PDE3B: variants seen among roughly 807,000 people sequenced by gnomAD.
PDE3B encodes cGMP-inhibited 3',5'-cyclic phosphodiesterase 3B.
Under a neutral mutation model 116.8 loss-of-function variants are expected in PDE3B, and 66 were observed. That is an observed-to-expected ratio of 0.56 (90% CI 0.46 to 0.69). The LOEUF (loss-of-function observed/expected upper bound fraction) is 0.69. Ranked by LOEUF, PDE3B falls within the 30% of genes least tolerant of loss-of-function variation. The pLI, the probability that PDE3B is intolerant of heterozygous loss-of-function variation, is 0.00. For missense variants in PDE3B, 1,384 were observed against 1,368.1 expected (o/e 1.01, Z -0.18); for synonymous variants, 595 against 533.6 (o/e 1.12, Z -1.59).
At chr11:14,838,495 A>T (rs967925267) in intron 11 of PDE3B, among the ~76,000 whole-genome samples, 7 of 152,196 alleles carry the variant, frequency 4.6e-5, no homozygotes, top group Non-Finnish European at 8.8e-5. Flanking sequence ...TGTATTCCCC[A>T]AATCCTGCTG....
chr11:14,684,388 C>T (rs917263741), intron 1 of PDE3B, among the ~76,000 whole-genome samples: 1 of 152,016 alleles, frequency 6.6e-6, no homozygotes, highest in African/African-American at 2.4e-5. Flanking sequence ...AGAGGGGGTA[C>T]AAGAACAGGG....
chr11:14,663,184 C>T (rs1287065609), intron 1 of PDE3B, among the ~76,000 whole-genome samples: 4 of 152,090 alleles, frequency 2.6e-5, no homozygotes, highest in Non-Finnish European at 5.9e-5. Flanking sequence ...ATTTTCAACC[C>T]AGAATTTCAT....
the PDE3B span, among the ~76,000 whole-genome samples, chr11:14,893,465 A>G: frequency 1.1e-3 from 165 of 152,156 alleles, no homozygotes; most frequent in African/African-American, 3.5e-3. Flanking sequence ...ACACAAATTT[A>G]TTTTCTTACA....
At position 14,644,808 on chromosome 11, in the gene PDE3B, A is replaced by G. The variant is rs1853336149; in HGVS notation, c.733A>G (p.Arg245Gly). The G allele has an allele frequency of 3.1e-6, 5 of 1,611,110 alleles. No individual in the cohort carries two copies. In the South Asian group the frequency reaches 5.5e-5, roughly 18 times the overall value. The change falls in exon 1 of 16, where the codon AGG becomes GGG. Residue 245 changes from arginine (R) to glycine (G), a missense_variant. By Grantham distance (125) the Arg-to-Gly change is moderately radical. Coordinates refer to ENST00000282096, the MANE Select transcript of PDE3B (RefSeq NM_000922.4). ...CCTCGGGTCGCTGCCCTCCGCCCTC[A>G]GGCCGCTGCTCTCCGGCCTGGTGGG... Reference protein sequence around the residue: ...TSLGSLPSALRPLLSGLVGGA... With the variant: ...TSLGSLPSALGPLLSGLVGGA...
At chr11:14,789,548 A>G (rs1353738183) in intron 4 of PDE3B, among the ~76,000 whole-genome samples, 1 of 152,028 alleles carries the variant, frequency 6.6e-6, no homozygotes, top group Non-Finnish European at 1.5e-5. Context: ...AATCGATAGA[A>G]GTGGCCATTA....
the PDE3B span, chr11:14,892,156 G>C: frequency 6.2e-6 from 10 of 1,610,586 alleles, no homozygotes; most frequent in Admixed American, 1.7e-5. Context: ...CAGGAAGAGC[G>C]CGCCGCCGAG....
At chr11:14,757,432 G>T (rs1246498443) in intron 1 of PDE3B, among the ~76,000 whole-genome samples, 1 of 151,178 alleles carries the variant, frequency 6.6e-6, no homozygotes, top group Non-Finnish European at 1.5e-5. Flanking sequence ...GTGTAAAAGT[G>T]TTCCTATTTC....
intron 1 of PDE3B, among the ~76,000 whole-genome samples, chr11:14,659,881 C>A (rs1188419778): frequency 6.6e-6 from 1 of 152,166 alleles, no homozygotes; most frequent in Non-Finnish European, 1.5e-5. Context: ...TAAGGATTGT[C>A]ATTTTAAAAA....
chr11:14,756,078 T>C (rs1172675053), intron 1 of PDE3B, among the ~76,000 whole-genome samples: 3 of 152,188 alleles, frequency 2.0e-5, no homozygotes, highest in African/African-American at 7.2e-5. Flanking sequence ...GAATCCAAGG[T>C]TTAATGGAAG....
intron 1 of PDE3B, among the ~76,000 whole-genome samples, chr11:14,769,116 T>G (rs1857569053): frequency 6.6e-6 from 1 of 151,396 alleles, no homozygotes; most frequent in African/African-American, 2.4e-5. Context: ...GATTGGGCTT[T>G]GCTTAAGAAT....
intron 4 of PDE3B, among the ~76,000 whole-genome samples, chr11:14,798,525 C>T (rs1299618644): frequency 6.6e-6 from 1 of 152,058 alleles, no homozygotes; most frequent in African/African-American, 2.4e-5. Context: ...CCTCTTTGTA[C>T]CTGTCGTAGA....
intron 5 of PDE3B, among the ~76,000 whole-genome samples, chr11:14,810,220 GGTTA>G (rs1414837936): frequency 6.6e-6 from 1 of 151,320 alleles, no homozygotes; most frequent in Non-Finnish European, 1.5e-5. Flanking sequence ...CCAATGTACA[GGTTA>G]GTTACATATG....
chr11:14,777,336 G>A (rs1857818710), intron 2 of PDE3B, among the ~76,000 whole-genome samples: 1 of 152,184 alleles, frequency 6.6e-6, no homozygotes, highest in Non-Finnish European at 1.5e-5. Flanking sequence ...AGTATCTGAA[G>A]AAGTAATGGC....
intron 12 of PDE3B, among the ~76,000 whole-genome samples, chr11:14,857,639 CT>C (rs1412596841): frequency 9.2e-4 from 140 of 152,242 alleles, no homozygotes; most frequent in African/African-American, 3.2e-3. Flanking sequence ...TGATTCAGAC[CT>C]TCCCCCCTCC....
At chr11:14,668,160 T>C (rs1282712297) in intron 1 of PDE3B, among the ~76,000 whole-genome samples, 2 of 152,150 alleles carry the variant, frequency 1.3e-5, no homozygotes, top group Non-Finnish European at 2.9e-5. Flanking sequence ...CATTATCTAC[T>C]TTTTCTGAGA....
At chr11:14,663,569 A>G (rs2133766887) in intron 1 of PDE3B, among the ~76,000 whole-genome samples, 1 of 152,328 alleles carries the variant, frequency 6.6e-6, no homozygotes, top group African/African-American at 2.4e-5. Flanking sequence ...AAAAGGAAGG[A>G]GGAAGATCTA....
At chr11:14,882,483 G>A in the PDE3B span, among the ~76,000 whole-genome samples, 3 of 152,238 alleles carry the variant, frequency 2.0e-5, no homozygotes, top group African/African-American at 4.8e-5. Flanking sequence ...ATATACACAA[G>A]AAGGTACAGA....
At chr11:14,653,548 G>C (rs1172802643) in intron 1 of PDE3B, among the ~76,000 whole-genome samples, 2 of 151,382 alleles carry the variant, frequency 1.3e-5, no homozygotes, top group Admixed American at 6.6e-5. Flanking sequence ...CTGGGCGACA[G>C]AGCAAGACTC....
chr11:14,707,764 C>T (rs572185050), intron 1 of PDE3B, among the ~76,000 whole-genome samples: 4 of 151,786 alleles, frequency 2.6e-5, no homozygotes, highest in African/African-American at 9.7e-5. Flanking sequence ...GGGTTTTCCC[C>T]CTGTATATAT....
Sources: gnomAD v4.1 joint callset for allele counts (sites outside exome capture counted in the v4.1 genomes callset) on GRCh38, gnomAD v4.1.1 for gene constraint, MANE v1.5 for transcripts, NCBI Gene and HGNC (gene_info 2026-07-23, HGNC 2026-07-21) for gene names.